The following APAF1 variants were observed in gnomAD, a reference collection of about 807,000 sequenced individuals.
APAF1 encodes apoptotic peptidase activating factor 1, also known as apoptotic protease-activating factor 1.
Under a neutral mutation model 152.4 loss-of-function variants are expected in APAF1, and 91 were observed. The ratio of observed to expected loss-of-function variants is 0.60; its 90% confidence interval spans 0.50 to 0.71. APAF1 has a LOEUF of 0.71. APAF1 is among the 30% of genes least tolerant of loss of function. APAF1 has a pLI of 0.00. For synonymous variants in APAF1, 484 were observed against 494.1 expected, an observed-to-expected ratio of 0.98 and a Z score of 0.27; for missense variants, 1,283 against 1,472.0, an observed-to-expected ratio of 0.87 and a Z score of 2.10.
At position 98,662,737 on chromosome 12, in the gene APAF1, T is replaced by A; in HGVS notation, c.886T>A (p.Ser296Thr). ...AAAGGAAAAAGGACTTGAAATTTTA[T>A]CCCTTTTTGTTAATATGAAGAAGGC... Reference protein sequence around the residue: ...LGKEKGLEILSLFVNMKKADL... With the variant: ...LGKEKGLEILTLFVNMKKADL... Residue 296 changes from serine to threonine, a missense_variant, in exon 7 of 27, where the codon TCC (serine) becomes ACC (threonine). Ser to Thr is a moderately conservative substitution (Grantham distance 58). Transcript: ENST00000551964. 6.2e-7 allele frequency: 1 copy of A among 1,612,488 alleles called. No homozygotes were observed. Among genetic ancestry groups the A allele is most frequent in the Non-Finnish European group, 8.5e-7 (1 of 1,179,294 alleles).
intron 21 of APAF1, chr12:98,712,714 G>A (rs1188179869): frequency 8.3e-6 from 3 of 362,468 alleles, no homozygotes; most frequent in Non-Finnish European, 5.1e-6. Flanking sequence ...GGGGTCCCCT[G>A]TGTTGCCCAG....
chr12:98,672,074 T>C (rs1479186995), intron 12 of APAF1, among the ~76,000 whole-genome samples: 1 of 152,226 alleles, frequency 6.6e-6, no homozygotes, highest in Non-Finnish European at 1.5e-5. Flanking sequence ...TTCTGTGACT[T>C]TGAACAAGTT....
chr12:98,650,133 G>C (rs1305891720), intron 4 of APAF1, among the ~76,000 whole-genome samples: 2 of 152,172 alleles, frequency 1.3e-5, no homozygotes, highest in Non-Finnish European at 1.5e-5. Context: ...TCATTCATCA[G>C]TGTGTTCTCT....
chr12:98,674,902 TA>T (rs2097684915), intron 12 of APAF1, among the ~76,000 whole-genome samples: 1 of 152,232 alleles, frequency 6.6e-6, no homozygotes, highest in Admixed American at 6.5e-5. Context: ...CTGTATTCAG[TA>T]TAAATTTATG....
intron 15 of APAF1, among the ~76,000 whole-genome samples, chr12:98,684,984 A>G (rs923087676): frequency 5.3e-5 from 8 of 152,206 alleles, no homozygotes; most frequent in African/African-American, 1.7e-4. Context: ...GAAAATATGT[A>G]ATTGTGAAGC....
chr12:98,697,472 G>C (rs2097711181), intron 16 of APAF1, among the ~76,000 whole-genome samples: 1 of 152,184 alleles, frequency 6.6e-6, no homozygotes, highest in African/African-American at 2.4e-5. Context: ...ATAAACCCTT[G>C]CTGTGTCACT....
chr12:98,656,136 C>T (rs757541629), intron 4 of APAF1, among the ~76,000 whole-genome samples: 1 of 152,068 alleles, frequency 6.6e-6, no homozygotes, highest in Non-Finnish European at 1.5e-5. Context: ...CCATGTTGCT[C>T]AGGCTGGTCT....
At chr12:98,720,025 C>A (rs879588297) in intron 22 of APAF1, among the ~76,000 whole-genome samples, 1 of 152,162 alleles carries the variant, frequency 6.6e-6, no homozygotes, top group Non-Finnish European at 1.5e-5. Flanking sequence ...CACTGGTGTT[C>A]TAGCTGTAAA....
intron 22 of APAF1, among the ~76,000 whole-genome samples, chr12:98,721,991 A>T (rs998975612): frequency 6.6e-6 from 1 of 152,142 alleles, no homozygotes; most frequent in Non-Finnish European, 1.5e-5. Flanking sequence ...CTGTTTTCCC[A>T]TACCTCAGAA....
intron 21 of APAF1, among the ~76,000 whole-genome samples, chr12:98,714,899 G>C (rs1364335090): frequency 7.7e-5 from 11 of 142,066 alleles, no homozygotes; most frequent in Admixed American, 5.7e-4. Flanking sequence ...CTTTTATTTA[G>C]AGTATTATTA....
intron 12 of APAF1, among the ~76,000 whole-genome samples, chr12:98,672,464 C>T (rs914471097): frequency 3.3e-5 from 5 of 152,060 alleles, no homozygotes; most frequent in African/African-American, 1.2e-4. Flanking sequence ...CACGCCTGGC[C>T]TTCTGTGAAG....
intron 12 of APAF1, among the ~76,000 whole-genome samples, chr12:98,676,168 T>C (rs1218981842): frequency 6.6e-6 from 1 of 152,186 alleles, no homozygotes; most frequent in African/African-American, 2.4e-5. Context: ...ACTGCACTAA[T>C]AGTTTTTTCT....
At chr12:98,648,924 C>T (rs773669118) in intron 3 of APAF1, 109 bp downstream of exon 3, 5 of 1,082,544 alleles carry the variant, frequency 4.6e-6, no homozygotes, top group Non-Finnish European at 7.1e-6. Flanking sequence ...CTGAAAACTG[C>T]ATGTTAAAAA....
chr12:98,662,706 C>T lies in APAF1; in HGVS notation c.855C>T (p.Ser285=). The change falls in exon 7 of 27, where the codon TCC becomes TCT. Residue 285 remains serine, a synonymous_variant. Transcript: ENST00000551964. ...AATATGTAGTCCCTGTGGAGAGTTC[C>T]TTAGGAAAGGAAAAAGGACTTGAAA... ...GPKYVVPVES[S]LGKEKGLEIL... 1 of 1,613,062 alleles carries T rather than the reference C, an allele frequency of 6.2e-7. No homozygotes were observed. Among genetic ancestry groups the T allele is most frequent in the Non-Finnish European group, 8.5e-7 (1 of 1,179,680 alleles).
At chr12:98,717,205 G>T (rs778406212) in intron 22 of APAF1, among the ~76,000 whole-genome samples, 4 of 151,400 alleles carry the variant, frequency 2.6e-5, no homozygotes, top group Admixed American at 6.6e-5. Context: ...CCTCAGTTTT[G>T]CCTTCCAGCC....
At chr12:98,712,491 T>A in intron 21 of APAF1, 56 bp downstream of exon 21, 1 of 1,001,856 alleles carries the variant, frequency 1.0e-6, no homozygotes, top group Middle Eastern at 2.1e-4. Flanking sequence ...AAACTAATTA[T>A]ATGTCTGGCA....
intron 15 of APAF1, among the ~76,000 whole-genome samples, chr12:98,686,437 AAAT>A (rs1165258077): frequency 3.3e-5 from 5 of 152,210 alleles, no homozygotes; most frequent in African/African-American, 1.2e-4. Flanking sequence ...TAACTGAGTA[AAAT>A]AATAATGATT....
At chr12:98,665,278 A>ATATTT (rs1491316422) in intron 7 of APAF1, among the ~76,000 whole-genome samples, 3 of 65,986 alleles carry the variant, frequency 4.5e-5, no homozygotes, top group Non-Finnish European at 5.9e-5. Flanking sequence ...ATATATATAT[A>ATATTT]TTTTTTTTTT....
intron 12 of APAF1, among the ~76,000 whole-genome samples, chr12:98,672,607 G>A (rs961873353): frequency 6.6e-5 from 10 of 151,850 alleles, no homozygotes; most frequent in African/African-American, 2.4e-4. Flanking sequence ...AATCTTGTAA[G>A]GAAAGGTATA....
Sources: gnomAD v4.1 joint callset for allele counts (sites outside exome capture counted in the v4.1 genomes callset) on GRCh38, gnomAD v4.1.1 for gene constraint, MANE v1.5 for transcripts, NCBI Gene and HGNC (gene_info 2026-07-23, HGNC 2026-07-21) for gene names.